Variants in LAMA3 observed in about 807,000 individuals in gnomAD.
The protein encoded by LAMA3 is laminin subunit alpha-3.
Under a neutral mutation model 402.0 loss-of-function variants are expected in LAMA3, and 281 were observed. The observed-to-expected ratio is 0.70, with a 90% CI of 0.63 to 0.77. The LOEUF (loss-of-function observed/expected upper bound fraction) is 0.77. Among genes scored for constraint, LAMA3 ranks in the 30% least tolerant of loss-of-function variants. The pLI is 0.00. For synonymous variants in LAMA3, 1,431 were observed against 1,558.4 expected (o/e 0.92, Z 1.93); for missense variants, 3,840 against 4,215.5 (o/e 0.91, Z 2.47).
chr18:23,874,941 G>A (rs538920040), intron 38 of LAMA3, among the ~76,000 whole-genome samples: 15 of 152,298 alleles, frequency 9.8e-5, no homozygotes, highest in African/African-American at 3.6e-4. Flanking sequence ...GTGGCTCACT[G>A]CAACCTCCAC....
intron 48 of LAMA3, 132 bp from the exon 49 acceptor site, chr18:23,902,877 G>A: frequency 1.4e-6 from 1 of 713,746 alleles, no homozygotes; most frequent in Admixed American, 1.9e-5. Context: ...CTTTGTAATT[G>A]CCTAGACAAT....
rs753477312 is a variant in LAMA3, at chr18:23,833,976, G to T, written c.2972G>T (p.Ser991Ile). The change falls in exon 24 of 75, where the codon AGC becomes ATC. Residue 991 changes from serine to isoleucine, a missense_variant. Ser to Ile is a moderately radical substitution (Grantham distance 142). Coordinates refer to ENST00000313654, the MANE Select transcript of LAMA3 (RefSeq NM_198129.4). ...CTGGCAGGCCAGGTGAACATTTACA[G>T]CTGCAACTACAGGTACTCAGCCCCA... Reference protein sequence around the residue: ...SVLAGQVNIYSCNYSVLCRSA... With the variant: ...SVLAGQVNIYICNYSVLCRSA... The T allele has an allele frequency of 3.1e-6, 5 of 1,614,234 alleles. No individual in the cohort carries two copies. In the South Asian group the frequency reaches 3.3e-5, roughly 11 times the overall value.
intron 8 of LAMA3, among the ~76,000 whole-genome samples, chr18:23,769,253 A>G (rs527312007): frequency 4.5e-4 from 69 of 152,280 alleles, no homozygotes; most frequent in African/African-American, 1.5e-3. Context: ...ATCTGTAATT[A>G]TTTTCCTTTA....
chr18:23,929,678 C>A (rs543881339), intron 64 of LAMA3, among the ~76,000 whole-genome samples: 5 of 152,344 alleles, frequency 3.3e-5, no homozygotes, highest in Non-Finnish European at 7.3e-5. Flanking sequence ...CCACCCCTCT[C>A]TTGGTGGCTT....
chr18:23,712,882 G>A (rs930205762), intron 1 of LAMA3, among the ~76,000 whole-genome samples: 35 of 151,656 alleles, frequency 2.3e-4, no homozygotes, highest in African/African-American at 8.5e-4. Flanking sequence ...TATACCCTAA[G>A]AGCATTTAGT....
chr18:23,824,677 T>C (rs2063347821), intron 21 of LAMA3, 112 bp downstream of exon 21: 3 of 1,237,930 alleles, frequency 2.4e-6, no homozygotes, highest in Admixed American at 3.5e-5. Context: ...TCATTGGTGG[T>C]TTTAGACACA....
chr18:23,869,968 C>G (rs953897556), intron 37 of LAMA3, among the ~76,000 whole-genome samples: 2 of 151,466 alleles, frequency 1.3e-5, no homozygotes, highest in South Asian at 4.2e-4. Context: ...TGAGACCAGC[C>G]TGGCTAACAT....
At chr18:23,699,910 G>A (rs774492568) in intron 1 of LAMA3, among the ~76,000 whole-genome samples, 1 of 152,138 alleles carries the variant, frequency 6.6e-6, no homozygotes, top group Non-Finnish European at 1.5e-5. Flanking sequence ...CCAGACTTGG[G>A]AGTGTCCTAA....
chr18:23,795,145 C>T (rs2062738314), intron 12 of LAMA3, among the ~76,000 whole-genome samples: 1 of 152,188 alleles, frequency 6.6e-6, no homozygotes, highest in African/African-American at 2.4e-5. Context: ...TCTCCTCCTC[C>T]CTTTTTTAAA....
chr18:23,939,374 T>C lies in LAMA3; in HGVS notation c.9014T>C (p.Leu3005Pro). 1 of 1,614,194 alleles carries C rather than the reference T, an allele frequency of 6.2e-7. No individual in the cohort carries two copies. ...TTGCTATTCAAGCTTCCTCAGGAGCTGCTGAAACCCAGGTATTATTTAGCT... is the reference window on the plus strand; with the variant it reads ...TTGCTATTCAAGCTTCCTCAGGAGCCGCTGAAACCCAGGTATTATTTAGCT... ...SHLLFKLPQE[L>P]LKPRSQFAVD... The change falls in exon 68 of 75, where the codon CTG becomes CCG. Residue 3005 changes from leucine (L) to proline (P), a missense_variant. Coordinates refer to ENST00000313654, the MANE Select transcript of LAMA3 (RefSeq NM_198129.4).
At chr18:23,775,533 TG>T (rs2062297027) in intron 9 of LAMA3, among the ~76,000 whole-genome samples, 1 of 147,618 alleles carries the variant, frequency 6.8e-6, no homozygotes, top group South Asian at 2.2e-4. Context: ...CTCAGTGAGC[TG>T]GGCAATGCTC....
At chr18:23,911,008 T>G (rs1429196063) in intron 55 of LAMA3, among the ~76,000 whole-genome samples, 1 of 150,316 alleles carries the variant, frequency 6.7e-6, no homozygotes, top group African/African-American at 2.5e-5. Context: ...CGGGTGCCAG[T>G]TCTGTCAGTC....
chr18:23,756,993 G>C (rs978927486), intron 6 of LAMA3, among the ~76,000 whole-genome samples: 1 of 148,076 alleles, frequency 6.8e-6, no homozygotes, highest in African/African-American at 2.5e-5. Flanking sequence ...GCACCAGGGT[G>C]AATTCTGGGT....
At chr18:23,712,397 A>C (rs1345595246) in intron 1 of LAMA3, among the ~76,000 whole-genome samples, 1 of 143,166 alleles carries the variant, frequency 7.0e-6, no homozygotes, top group African/African-American at 2.5e-5. Context: ...AAAAAAAAAA[A>C]GTTATTCATT....
Position 23,775,782 on chromosome 18 carries a change from T to C in LAMA3, c.1274-10T>C. 6.2e-7 allele frequency: 1 copy of C among 1,613,980 alleles called. No individual in the cohort carries two copies. The highest frequency in any genetic ancestry group is 8.5e-7 in the Non-Finnish European group (1 of 1,179,862). On this transcript the variant is annotated splice_polypyrimidine_tract_variant and intron_variant, in intron 9 of 74. Coordinates refer to ENST00000313654, the MANE Select transcript of LAMA3 (RefSeq NM_198129.4). ...AGGACGGATCCTTTGAAAACTGGGA[T>C]TTCTCTTAGCCTGCAGCTGTGACCC... is the stretch of plus-strand genomic sequence containing the variant.
chr18:23,698,489 G>A (rs570644216), intron 1 of LAMA3, among the ~76,000 whole-genome samples: 1 of 152,294 alleles, frequency 6.6e-6, no homozygotes, highest in Non-Finnish European at 1.5e-5. Flanking sequence ...ACAGGCGTGA[G>A]CCACCGCGCC....
chr18:23,809,566 G>A (rs1277181023), intron 12 of LAMA3, among the ~76,000 whole-genome samples: 1 of 152,166 alleles, frequency 6.6e-6, no homozygotes, highest in African/African-American at 2.4e-5. Flanking sequence ...TGCAACTCCA[G>A]CCCATAGAAG....
At chr18:23,925,152 A>T (rs990849483) in intron 62 of LAMA3, among the ~76,000 whole-genome samples, 1 of 152,220 alleles carries the variant, frequency 6.6e-6, no homozygotes, top group African/African-American at 2.4e-5. Context: ...TCCCTGGCAT[A>T]AATGGAGGGA....
intron 42 of LAMA3, among the ~76,000 whole-genome samples, chr18:23,892,714 C>T (rs2080719577): frequency 6.6e-6 from 1 of 151,872 alleles, no homozygotes; most frequent in South Asian, 2.1e-4. Context: ...ACCAGCCTGG[C>T]CAACATGGGG....
Sources: allele counts gnomAD v4.1 joint callset (sites outside exome capture counted in the v4.1 genomes callset), GRCh38; gene constraint gnomAD v4.1.1; transcripts MANE v1.5; gene names NCBI Gene and HGNC (gene_info 2026-07-23, HGNC 2026-07-21).